PISD: variants seen among roughly 807,000 people sequenced by gnomAD.
PISD encodes phosphatidylserine decarboxylase proenzyme, mitochondrial.
PISD carries 31 observed loss-of-function variants against 43.5 expected under a neutral mutation model. The observed-to-expected ratio is 0.71, with a 90% CI of 0.54 to 0.96. The LOEUF is 0.96. Ranked by LOEUF, PISD falls within the 40% of genes least tolerant of loss-of-function variation. PISD has a pLI of 0.00. For synonymous variants in PISD, 259 were observed against 228.7 expected (o/e 1.13, Z -1.20); for missense variants, 523 against 548.4 (o/e 0.95, Z 0.46).
At chr22:31,637,165 ATAT>A (rs1363975963) in intron 3 of PISD, among the ~76,000 whole-genome samples, 4 of 13,412 alleles carry the variant, frequency 3.0e-4, no homozygotes, top group African/African-American at 1.5e-3. Context: ...AAAAAAAAAA[ATAT>A]ATATATATAT....
chr22:31,619,765 A>C lies in PISD; in HGVS notation c.1077T>G (p.Asn359Lys), dbSNP rs780766629. The C allele has an allele frequency of 1.2e-6, 2 of 1,614,026 alleles. No individual in the cohort carries two copies. Among genetic ancestry groups the C allele is most frequent in the East Asian group, 4.5e-5 (2 of 44,872 alleles). ...YNDFSFVTHTNREGVPMRKGE... is the reference protein window; with the variant it reads ...YNDFSFVTHTKREGVPMRKGE... Reference sequence around the variant, plus strand: ...CCTTACGCATGGGGACGCCCTCTCTATTGGTGTGCGTCACGAAGCTGAAGT... The same window carrying C: ...CCTTACGCATGGGGACGCCCTCTCTCTTGGTGTGCGTCACGAAGCTGAAGT... Residue 359 changes from asparagine to lysine, a missense_variant, in exon 8 of 8, where the codon AAT becomes AAG. Physicochemically the swap from Asn to Lys is moderately conservative, Grantham distance 94 (BLOSUM62 0). Coordinates refer to ENST00000439502, the MANE Select transcript of PISD (RefSeq NM_001326411.2).
intron 1 of PISD, among the ~76,000 whole-genome samples, chr22:31,659,334 A>G (rs1452797641): frequency 6.6e-6 from 1 of 152,098 alleles, no homozygotes; most frequent in Non-Finnish European, 1.5e-5. Flanking sequence ...GACAAGGCCT[A>G]TTTCAAATGT....
In PISD at chr22:31,619,682, G is replaced by A. The variant is rs2072373454; in HGVS notation, c.1160C>T (p.Pro387Leu). 6 of 1,614,238 alleles carry A rather than the reference G, an allele frequency of 3.7e-6. No homozygotes were observed. The highest frequency in any genetic ancestry group is 5.1e-6 in the Non-Finnish European group (6 of 1,180,044). Residue 387 changes from proline to leucine, a missense_variant, in exon 8 of 8, where the codon CCC becomes CTC. Transcript: ENST00000439502. ...TTTCAGCTGGAAATTGAAGTCCTTGGGGGCCTCGAAGATGAGCACGATGGT... is the reference window on the plus strand; with the variant it reads ...TTTCAGCTGGAAATTGAAGTCCTTGAGGGCCTCGAAGATGAGCACGATGGT... The part of the protein sequence containing the change: ...GSTIVLIFEA[P>L]KDFNFQLKTG...
Position 31,619,846 on chromosome 22 carries a change from T to G in PISD, c.1006-10A>C. 1.2e-6 allele frequency: 2 copies of G among 1,601,104 alleles called. No individual in the cohort carries two copies. The highest frequency in any genetic ancestry group is 2.2e-5 in the South Asian group (2 of 90,356). ...TGTTTGTGTGCAGGTCCTGTGGTGA[T>G]AGGCTGGGGGTCAGTGGGGCCCAGG... is the stretch of plus-strand genomic sequence containing the variant. On this transcript the variant is annotated splice_polypyrimidine_tract_variant and intron_variant, in intron 7 of 7. Coordinates refer to ENST00000439502, the MANE Select transcript of PISD (RefSeq NM_001326411.2).
chr22:31,646,108 C>T, intron 3 of PISD, among the ~76,000 whole-genome samples: 1 of 151,952 alleles, frequency 6.6e-6, no homozygotes, highest in Non-Finnish European at 1.5e-5. Flanking sequence ...ACTTGAAAAT[C>T]CAGGAGTGGC....
chr22:31,653,631 A>T (rs2074092109), intron 1 of PISD, among the ~76,000 whole-genome samples: 1 of 152,188 alleles, frequency 6.6e-6, no homozygotes, highest in South Asian at 2.1e-4. Flanking sequence ...GCTTCATTAT[A>T]TCAGTTTGGT....
At chr22:31,637,203 A>ATG (rs2073527911) in intron 3 of PISD, among the ~76,000 whole-genome samples, 1 of 113,062 alleles carries the variant, frequency 8.8e-6, no homozygotes, top group Non-Finnish European at 1.8e-5. Context: ...ATATATATAT[A>ATG]TATAGAAAAA....
chr22:31,621,084 A>C lies in PISD; in HGVS notation c.756T>G (p.Tyr252Ter). Residue 252 changes from tyrosine to a stop codon, truncating the protein, a stop_gained, in exon 6 of 8, where the codon TAT (tyrosine) becomes TAG (stop). Coordinates refer to ENST00000439502, the MANE Select transcript of PISD (RefSeq NM_001326411.2). LOFTEE classifies it high-confidence loss of function. ...QLVTREGNEL[Y>*]HCVIYLAPGD... ...CAGGGGCCAGGTAGATGACACAGTG[A>C]TAGAGCTCATTCCCTTCCCGGGTGA... 1 of 1,614,126 alleles carries C rather than the reference A, an allele frequency of 6.2e-7. No individual in the cohort carries two copies. The highest frequency in any genetic ancestry group is 8.5e-7 in the Non-Finnish European group (1 of 1,180,004).
intron 2 of PISD, among the ~76,000 whole-genome samples, chr22:31,648,628 C>A (rs929109527): frequency 4.0e-5 from 6 of 150,406 alleles, no homozygotes; most frequent in African/African-American, 1.2e-4. Context: ...GACTGCACCA[C>A]TGCACTCCAG....
In PISD at chr22:31,629,254, TGGA is replaced by T. The variant is rs2073072015; in HGVS notation, c.322-7372_322-7370del. The T allele has an allele frequency of 2.2e-5, 22 of 983,624 alleles. 1 individual carries two copies. In the South Asian group the frequency reaches 1.0e-3, roughly 46 times the overall value. 60.9% of individuals were successfully genotyped at this position (983,624 alleles called of 1,614,324 possible). A position where few individuals can be genotyped will look rare whatever the true frequency, so the allele number is the denominator to read the frequency against. ...TGCGTGAGGGGTAGGTGCATGTAGG[TGGA>T]AGTGTGTGTGCATGGAGGATACGTG... is the stretch of plus-strand genomic sequence containing the variant. On this transcript the variant is annotated intron_variant, in intron 3 of 7. Coordinates refer to ENST00000439502, the MANE Select transcript of PISD (RefSeq NM_001326411.2).
At chr22:31,641,857 A>G (rs1404183497) in intron 3 of PISD, among the ~76,000 whole-genome samples, 1 of 151,004 alleles carries the variant, frequency 6.6e-6, no homozygotes, top group East Asian at 1.9e-4. Context: ...TTAAAAACTT[A>G]GGAATTATTT....
intron 3 of PISD, chr22:31,629,236 G>C: frequency 1.0e-6 from 1 of 985,278 alleles, no homozygotes; most frequent in East Asian, 1.1e-4. Context: ...TTGTGCGTGA[G>C]GGGTAGGTGC....
chr22:31,644,192 C>A (rs886782977), intron 3 of PISD, among the ~76,000 whole-genome samples: 1 of 151,886 alleles, frequency 6.6e-6, no homozygotes, highest in Non-Finnish European at 1.5e-5. Context: ...GCACCTAGCC[C>A]AAACTTTGTA....
chr22:31,632,392 C>A (rs2073241907), intron 3 of PISD: 1 of 177,636 alleles, frequency 5.6e-6, no homozygotes, highest in South Asian at 1.9e-4. Flanking sequence ...ATACCTTATA[C>A]AAAGCTGCTC....
chr22:31,621,216 C>T, intron 5 of PISD, 74 bp from the exon 6 acceptor site: 1 of 1,611,242 alleles, frequency 6.2e-7, no homozygotes, highest in South Asian at 1.1e-5. Flanking sequence ...GTGGTCTGCA[C>T]ATGGATTCTC....
chr22:31,653,153 C>T (rs2074077327), intron 1 of PISD, among the ~76,000 whole-genome samples: 1 of 151,756 alleles, frequency 6.6e-6, no homozygotes, highest in African/African-American at 2.4e-5. Context: ...CTTACCATGA[C>T]GAGCACCACC....
chr22:31,627,102 C>T (rs376145285), intron 3 of PISD, among the ~76,000 whole-genome samples: 2 of 152,364 alleles, frequency 1.3e-5, no homozygotes, highest in South Asian at 4.1e-4. Flanking sequence ...CAAGAATCAC[C>T]GAAGCCCCGG....
intron 3 of PISD, 121 bp from the exon 4 acceptor site, chr22:31,622,006 G>T: frequency 2.7e-6 from 2 of 744,238 alleles, no homozygotes; most frequent in South Asian, 3.3e-5. Context: ...GAGGACACCA[G>T]GGCCCAGGTG....
At chr22:31,652,775 A>T (rs1304017635) in intron 1 of PISD, among the ~76,000 whole-genome samples, 4 of 151,802 alleles carry the variant, frequency 2.6e-5, no homozygotes, top group Non-Finnish European at 5.9e-5. Flanking sequence ...ATTGTGGTTC[A>T]CAACTATAAT....
Sources: gnomAD v4.1 joint callset for allele counts (sites outside exome capture counted in the v4.1 genomes callset) on GRCh38, gnomAD v4.1.1 for gene constraint, MANE v1.5 for transcripts, NCBI Gene and HGNC (gene_info 2026-07-23, HGNC 2026-07-21) for gene names.